Variants in GRM7 observed in about 807,000 individuals in gnomAD.
GRM7 encodes the protein metabotropic glutamate receptor 7.
Under a neutral mutation model 84.5 loss-of-function variants are expected in GRM7, and 35 were observed. The observed-to-expected ratio is 0.41, with a 90% confidence interval of 0.32 to 0.55. GRM7 has a LOEUF of 0.55. Ranked by LOEUF, GRM7 falls within the 20% of genes least tolerant of loss-of-function variation. The pLI, the probability that GRM7 is intolerant of heterozygous loss-of-function variation, is 0.19. For synonymous variants in GRM7, 487 were observed against 455.1 expected (o/e 1.07, Z -0.89); for missense variants, 1,003 against 1,194.6 (o/e 0.84, Z 2.36).
At chr3:7,360,630 AGTTT>A (rs1394020856) in intron 4 of GRM7, among the ~76,000 whole-genome samples, 29 of 152,260 alleles carry the variant, frequency 1.9e-4, no homozygotes, top group African/African-American at 7.0e-4. Flanking sequence ...AAATAAGTGA[AGTTT>A]GTTTAACTAT....
chr3:7,452,607 G>T lies in GRM7; in HGVS notation c.1175G>T (p.Gly392Val). 6.3e-7 allele frequency: 1 copy of T among 1,591,292 alleles called. No homozygotes were observed. Among genetic ancestry groups the T allele is most frequent in the Non-Finnish European group, 8.6e-7 (1 of 1,159,582 alleles). Residue 392 changes from glycine (G) to valine (V), a missense_variant and splice_region_variant, in exon 6 of 10, where the codon GGA becomes GTA. Around this residue, in one of 2 missense-constraint regions of GRM7, gnomAD observed 910 missense variants for 1,126.0 expected, o/e 0.81. Coordinates refer to ENST00000357716, the MANE Select transcript of GRM7 (RefSeq NM_000844.4). The stretch of plus-strand genomic sequence containing the variant: ...GTGTGTTTCTTGTTTTAATGTGCAG[G>T]ACAGGAGAGAATTGGAAAAGATTCC... ...KKEDTDRKCTGQERIGKDSNY... is the reference protein window; with the variant it reads ...KKEDTDRKCTVQERIGKDSNY...
intron 9 of GRM7, chr3:7,694,356 C>T: frequency 1.3e-6 from 1 of 763,780 alleles, no homozygotes; most frequent in Non-Finnish European, 1.6e-6. Context: ...GTTTCTGTTT[C>T]CTCTAGGAAA....
At chr3:7,088,482 A>T (rs1039513676) in intron 1 of GRM7, among the ~76,000 whole-genome samples, 10 of 149,440 alleles carry the variant, frequency 6.7e-5, no homozygotes, top group Non-Finnish European at 1.2e-4. Flanking sequence ...TATTATCTAA[A>T]TTTTTTTTTT....
At chr3:7,390,263 A>G (rs1315647025) in intron 4 of GRM7, among the ~76,000 whole-genome samples, 1 of 151,914 alleles carries the variant, frequency 6.6e-6, no homozygotes, top group Non-Finnish European at 1.5e-5. Context: ...TAACATGACC[A>G]TTTTCTCCAG....
At chr3:7,048,854 C>T (rs150468311) in intron 1 of GRM7, among the ~76,000 whole-genome samples, 29 of 151,908 alleles carry the variant, frequency 1.9e-4, no homozygotes, top group South Asian at 6.2e-4. Flanking sequence ...TATTTTTTGA[C>T]GAACACTTCC....
chr3:7,461,461 TAAAGGGGATA>T (rs1698243315), intron 6 of GRM7, 112 bp from the exon 7 acceptor site: 5 of 737,108 alleles, frequency 6.8e-6, no homozygotes, highest in Non-Finnish European at 1.1e-5. Context: ...GGGGACCTAT[TAAAGGGGATA>T]TCTAGTAACT....
chr3:7,614,534 G>A (rs2125082561), intron 8 of GRM7, among the ~76,000 whole-genome samples: 1 of 152,264 alleles, frequency 6.6e-6, no homozygotes, highest in East Asian at 1.9e-4. Context: ...AAAACATATA[G>A]TTGGGTTTGA....
chr3:6,969,946 G>A (rs919981147), intron 1 of GRM7, among the ~76,000 whole-genome samples: 4 of 152,202 alleles, frequency 2.6e-5, no homozygotes, highest in African/African-American at 9.6e-5. Flanking sequence ...GTGTAAAGCA[G>A]AAATGCATGT....
intron 2 of GRM7, among the ~76,000 whole-genome samples, chr3:7,291,822 A>C (rs1300480043): frequency 4.6e-5 from 7 of 152,174 alleles, no homozygotes; most frequent in African/African-American, 1.7e-4. Context: ...TTCCCACCCA[A>C]ATCTCCTCTT....
chr3:7,685,774 G>T (rs1179126960), intron 9 of GRM7, among the ~76,000 whole-genome samples: 1 of 150,978 alleles, frequency 6.6e-6, no homozygotes, highest in Non-Finnish European at 1.5e-5. Context: ...GTCAATATAA[G>T]GAGGTATGTT....
chr3:7,156,940 G>A (rs533046097), intron 2 of GRM7, among the ~76,000 whole-genome samples: 3 of 151,528 alleles, frequency 2.0e-5, no homozygotes, highest in African/African-American at 2.4e-5. Context: ...ATAGACCAAC[G>A]TGGGATACTT....
intron 4 of GRM7, among the ~76,000 whole-genome samples, chr3:7,326,634 G>A (rs1316734090): frequency 6.6e-6 from 1 of 151,988 alleles, no homozygotes; most frequent in Non-Finnish European, 1.5e-5. Context: ...GATCATCTGA[G>A]GTCAGGAGTT....
At chr3:7,381,600 G>A (rs571677961) in intron 4 of GRM7, among the ~76,000 whole-genome samples, 4 of 152,228 alleles carry the variant, frequency 2.6e-5, no homozygotes, top group East Asian at 1.9e-4. Context: ...CCGCCTGACC[G>A]TATTGAAGTA....
rs186353248 is a variant in GRM7 at position 7,068,813 on chromosome 3, T to C, written c.520-77639T>C. ...CAACTGTGAAAAACCCAGTATAAGC[T>C]GCCTCAAAAAAACCCCTGATATATA... On this transcript the variant is annotated intron_variant, in intron 1 of 9. Transcript: ENST00000357716. 6.0e-3 allele frequency among the ~76,000 whole-genome samples: 905 copies of C among 152,006 alleles called. 14 individuals carry two copies. Among genetic ancestry groups the C allele is most frequent in the Non-Finnish European group, 5.3e-3 (357 of 67,954 alleles).
At chr3:6,979,276 C>G (rs144154974) in intron 1 of GRM7, among the ~76,000 whole-genome samples, 248 of 152,236 alleles carry the variant, frequency 1.6e-3, no homozygotes, top group Middle Eastern at 3.4e-3. Context: ...TCAAGCCACG[C>G]TACATTCAGT....
At chr3:7,416,065 C>T (rs182480931) in intron 5 of GRM7, among the ~76,000 whole-genome samples, 2 of 152,034 alleles carry the variant, frequency 1.3e-5, no homozygotes, top group East Asian at 1.9e-4. Flanking sequence ...TGATTAAACA[C>T]GGTAAATGGC....
intron 2 of GRM7, among the ~76,000 whole-genome samples, chr3:7,240,778 G>A (rs1697529804): frequency 6.6e-6 from 1 of 152,160 alleles, no homozygotes; most frequent in Admixed American, 6.6e-5. Context: ...GTAGACACAT[G>A]CAGCATAACA....
At chr3:7,626,431 G>A (rs1325689525) in intron 8 of GRM7, among the ~76,000 whole-genome samples, 3 of 152,164 alleles carry the variant, frequency 2.0e-5, no homozygotes, top group African/African-American at 7.2e-5. Context: ...GGGCTACTGT[G>A]GCAAAATACC....
chr3:7,361,583 A>G (rs1012529109), intron 4 of GRM7, among the ~76,000 whole-genome samples: 1 of 152,088 alleles, frequency 6.6e-6, no homozygotes, highest in African/African-American at 2.4e-5. Context: ...GACCCCCTGT[A>G]GATTACCTTA....
Sources: gnomAD v4.1 joint callset for allele counts (sites outside exome capture counted in the v4.1 genomes callset) on GRCh38, gnomAD v4.1.1 for gene constraint, gnomAD v4.1.1 regional missense constraint, MANE v1.5 for transcripts, NCBI Gene and HGNC (gene_info 2026-07-23, HGNC 2026-07-21) for gene names.